The following SDK1 variants were observed in gnomAD, a reference collection of about 807,000 sequenced individuals.
The protein encoded by SDK1 is protein sidekick-1.
Under a neutral mutation model 245.5 loss-of-function variants are expected in SDK1, and 157 were observed. The ratio of observed to expected loss-of-function variants is 0.64; its 90% confidence interval spans 0.56 to 0.73. The LOEUF (loss-of-function observed/expected upper bound fraction) is 0.73. Among genes scored for constraint, SDK1 ranks in the 30% least tolerant of loss-of-function variants. SDK1 has a pLI of 0.00. For missense variants in SDK1, 3,583 were observed against 3,002.3 expected, an observed-to-expected ratio of 1.19 and a Z score of -4.52; for synonymous variants, 1,647 against 1,278.5, an observed-to-expected ratio of 1.29 and a Z score of -6.15.
At chr7:3,870,413 C>T (rs1259191267) in intron 5 of SDK1, among the ~76,000 whole-genome samples, 2 of 152,098 alleles carry the variant, frequency 1.3e-5, no homozygotes, top group African/African-American at 2.4e-5. Flanking sequence ...AGGTGTTATA[C>T]TGAACAAGAA....
At chr7:3,666,024 G>A (rs959011736) in intron 4 of SDK1, among the ~76,000 whole-genome samples, 1 of 152,046 alleles carries the variant, frequency 6.6e-6, no homozygotes, top group African/African-American at 2.4e-5. Context: ...CACCACCTTT[G>A]TTCTGGCCAT....
At chr7:3,584,500 C>A (rs896193137) in intron 1 of SDK1, among the ~76,000 whole-genome samples, 1 of 152,144 alleles carries the variant, frequency 6.6e-6, no homozygotes, top group Non-Finnish European at 1.5e-5. Context: ...CACCTGAAGT[C>A]CCCTGTGGGG....
rs188320516 is a variant in SDK1, at chr7:3,843,070, C to T, written c.847+21487C>T. Among the ~76,000 whole-genome samples, 199 of 152,246 alleles carry T rather than the reference C, an allele frequency of 1.3e-3. 1 individual carries two copies. The highest frequency in any genetic ancestry group is 4.7e-3 in the African/African-American group (194 of 41,560). On this transcript the variant is annotated intron_variant, in intron 5 of 44. Transcript: ENST00000404826. ...ATGTGTAATGAAGAGCCTGTGGCCG[C>T]TTAGCATTAGAGGAATGTCAGCGGC...
chr7:4,198,481 C>A (rs1474975566), intron 35 of SDK1, among the ~76,000 whole-genome samples: 1 of 152,250 alleles, frequency 6.6e-6, no homozygotes, highest in Non-Finnish European at 1.5e-5. Context: ...TGCCTCGGAG[C>A]AGGATCTGCA....
At chr7:3,859,781 G>C (rs545202037) in intron 5 of SDK1, among the ~76,000 whole-genome samples, 1 of 152,130 alleles carries the variant, frequency 6.6e-6, no homozygotes, top group South Asian at 2.1e-4. Context: ...TGTCACTCAC[G>C]TCACACTTCT....
At chr7:3,301,991 C>T (rs1583654682) in intron 1 of SDK1, 107 bp downstream of exon 1, 1 of 850,884 alleles carries the variant, frequency 1.2e-6, no homozygotes, top group Non-Finnish European at 1.4e-6. Flanking sequence ...CGGCCCGGGT[C>T]GGGATGCGCC....
At chr7:3,342,300 G>C (rs948886214) in intron 1 of SDK1, among the ~76,000 whole-genome samples, 1 of 152,148 alleles carries the variant, frequency 6.6e-6, no homozygotes, top group African/African-American at 2.4e-5. Flanking sequence ...CAAAAAAGGA[G>C]AAAGTTAGCC....
intron 1 of SDK1, among the ~76,000 whole-genome samples, chr7:3,502,249 T>A (rs73051814): frequency 0.016 from 2,469 of 152,182 alleles, 50 homozygotes; most frequent in South Asian, 0.052. Flanking sequence ...TTAATTAATT[T>A]ATTTTTAGAC....
chr7:3,560,966 C>G (rs958561570), intron 1 of SDK1, among the ~76,000 whole-genome samples: 1 of 152,160 alleles, frequency 6.6e-6, no homozygotes, highest in African/African-American at 2.4e-5. Flanking sequence ...AATTTCGCAC[C>G]AACCCCCAAA....
At chr7:4,089,945 T>A (rs1781681245) in intron 22 of SDK1, among the ~76,000 whole-genome samples, 1 of 152,220 alleles carries the variant, frequency 6.6e-6, no homozygotes, top group African/African-American at 2.4e-5. Flanking sequence ...TCTTGACTTC[T>A]GTGACCTTGA....
At chr7:3,753,555 C>T (rs1041288660) in intron 4 of SDK1, among the ~76,000 whole-genome samples, 7 of 152,160 alleles carry the variant, frequency 4.6e-5, no homozygotes, top group Admixed American at 1.3e-4. Flanking sequence ...AGGTTCTTGC[C>T]GTTTATTGCA....
intron 4 of SDK1, among the ~76,000 whole-genome samples, chr7:3,809,872 G>A (rs1327908503): frequency 6.6e-6 from 1 of 152,160 alleles, no homozygotes; most frequent in African/African-American, 2.4e-5. Flanking sequence ...TGACTTGTCA[G>A]GAATCGAGAA....
intron 19 of SDK1, among the ~76,000 whole-genome samples, chr7:4,067,490 G>A (rs1271735759): frequency 6.6e-6 from 1 of 152,202 alleles, no homozygotes; most frequent in African/African-American, 2.4e-5. Flanking sequence ...ATACACCATG[G>A]AGGAACACTC....
At chr7:3,672,002 C>T (rs1250640602) in intron 4 of SDK1, among the ~76,000 whole-genome samples, 2 of 152,124 alleles carry the variant, frequency 1.3e-5, no homozygotes, top group East Asian at 1.9e-4. Context: ...AAAGCAGGAA[C>T]ACATGGACCC....
chr7:3,431,100 C>T (rs1163945558), intron 1 of SDK1, among the ~76,000 whole-genome samples: 1 of 152,118 alleles, frequency 6.6e-6, no homozygotes, highest in Non-Finnish European at 1.5e-5. Context: ...AGGGTTTCAC[C>T]ATGTTGGCCA....
chr7:3,756,104 A>G (rs1444314386), intron 4 of SDK1, among the ~76,000 whole-genome samples: 6 of 150,052 alleles, frequency 4.0e-5, no homozygotes. Context: ...TGACACATGC[A>G]TATCATTGAT....
intron 21 of SDK1, 26 bp downstream of exon 21, chr7:4,077,215 C>T (rs780521900): frequency 5.0e-6 from 8 of 1,601,510 alleles, no homozygotes; most frequent in Middle Eastern, 3.3e-4. Context: ...TGCGGTCCTC[C>T]TGCTGTCACC....
chr7:3,448,086 T>A (rs895516687), intron 1 of SDK1, among the ~76,000 whole-genome samples: 1 of 152,216 alleles, frequency 6.6e-6, no homozygotes, highest in Admixed American at 6.5e-5. Context: ...TCAAGGGATA[T>A]GTATACTTAA....
rs187179199 is a variant in SDK1, at chr7:3,370,234, G to A, written c.298+68350G>A. ...AGGTTTTCAGTACAGTCTCCTTACC[G>A]GCAGGGGAATATCAGACAAGTGGTG... is the stretch of plus-strand genomic sequence containing the variant. On this transcript the variant is annotated intron_variant, in intron 1 of 44. Transcript: ENST00000404826. Among the ~76,000 whole-genome samples the A allele has an allele frequency of 4.1e-4, 62 of 152,260 alleles. No homozygotes were observed. The East Asian group carries it at 0.012, about 29-fold the overall frequency.
Sources: allele counts gnomAD v4.1 joint callset (sites outside exome capture counted in the v4.1 genomes callset), GRCh38; gene constraint gnomAD v4.1.1; transcripts MANE v1.5; gene names NCBI Gene and HGNC (gene_info 2026-07-23, HGNC 2026-07-21).